The following PAN3 variants were observed in gnomAD, a reference collection of about 807,000 sequenced individuals.
PAN3 encodes PAN2-PAN3 deadenylation complex subunit PAN3.
A neutral mutation model predicts 96.2 loss-of-function variants in PAN3; 19 were observed. The ratio of observed to expected loss-of-function variants is 0.20; its 90% CI spans 0.14 to 0.29. PAN3 has a LOEUF of 0.29. Among genes scored for constraint, PAN3 ranks in the 10% least tolerant of loss-of-function variants. The pLI is 1.00. For synonymous variants in PAN3, 433 were observed against 406.6 expected (o/e 1.06, Z -0.78); for missense variants, 882 against 1,108.1 (o/e 0.80, Z 2.90).
chr13:28,259,407 A>G (rs1161662070), intron 7 of PAN3, among the ~76,000 whole-genome samples: 1 of 151,608 alleles, frequency 6.6e-6, no homozygotes, highest in African/African-American at 2.4e-5. Context: ...CCGGGTTCAA[A>G]TGATTCTCCT....
intron 17 of PAN3, among the ~76,000 whole-genome samples, chr13:28,283,127 C>T (rs117482354): frequency 0.049 from 7,467 of 152,168 alleles, 277 homozygotes; most frequent in South Asian, 0.15. Flanking sequence ...TGGCTCTCTG[C>T]AACCCTCGCC....
intron 6 of PAN3, among the ~76,000 whole-genome samples, chr13:28,237,851 C>A (rs1883250829): frequency 6.6e-6 from 1 of 152,074 alleles, no homozygotes; most frequent in African/African-American, 2.4e-5. Context: ...CACTACCTTC[C>A]TAATAAAAAA....
At chr13:28,207,664 T>C (rs1459047527) in intron 5 of PAN3, among the ~76,000 whole-genome samples, 2 of 152,246 alleles carry the variant, frequency 1.3e-5, no homozygotes, top group African/African-American at 4.8e-5. Context: ...TCTTATGGCC[T>C]AATTAAACAG....
chr13:28,150,232 A>C (rs1349093181), intron 1 of PAN3, among the ~76,000 whole-genome samples: 1 of 152,186 alleles, frequency 6.6e-6, no homozygotes, highest in Non-Finnish European at 1.5e-5. Context: ...ATGATGGGAC[A>C]GGGAATCTTC....
chr13:28,186,258 T>C (rs1392133822), intron 4 of PAN3, among the ~76,000 whole-genome samples: 1 of 152,216 alleles, frequency 6.6e-6, no homozygotes, highest in Non-Finnish European at 1.5e-5. Context: ...TGTAATGTGT[T>C]AAGGAGTATT....
chr13:28,289,722 AAT>A (rs1566265450), intron 18 of PAN3, among the ~76,000 whole-genome samples: 1 of 152,168 alleles, frequency 6.6e-6, no homozygotes, highest in Non-Finnish European at 1.5e-5. Flanking sequence ...CCTACTAAAA[AAT>A]TAAAAAAGTT....
At chr13:28,147,945 C>A (rs1253819073) in intron 1 of PAN3, among the ~76,000 whole-genome samples, 2 of 151,936 alleles carry the variant, frequency 1.3e-5, no homozygotes, top group Non-Finnish European at 2.9e-5. Flanking sequence ...TTTTCTAAAG[C>A]TAGTTTGATT....
chr13:28,266,837 A>G lies in PAN3; in HGVS notation c.1534A>G (p.Ser512Gly), dbSNP rs374787953. 6.2e-7 allele frequency: 1 copy of G among 1,608,464 alleles called. No individual in the cohort carries two copies. The highest frequency in any genetic ancestry group is 8.5e-7 in the Non-Finnish European group (1 of 1,177,828). Residue 512 changes from serine (S) to glycine (G), a missense_variant, in exon 10 of 19, where the codon AGC becomes GGC. By Grantham distance (56) the Ser-to-Gly change is moderately conservative. This residue lies in a region of PAN3 where 364 missense variants were observed against 513.6 expected (regional missense o/e 0.71). Transcript: ENST00000380958. ...YITSCYKAVN[S>G]KDDLPYCLRR... ...TACATCTTGCTACAAAGCTGTAAAC[A>G]GCAAAGATGATCTGCCATATTGCCT...
intron 5 of PAN3, among the ~76,000 whole-genome samples, chr13:28,206,497 T>C (rs2138292773): frequency 6.6e-6 from 1 of 151,924 alleles, no homozygotes; most frequent in South Asian, 2.1e-4. Context: ...TAATTTTGTA[T>C]ATTTAGTAGA....
intron 1 of PAN3, among the ~76,000 whole-genome samples, chr13:28,168,438 C>G (rs555729473): frequency 1.9e-3 from 291 of 152,238 alleles, no homozygotes; most frequent in Middle Eastern, 0.014. Flanking sequence ...GGAATTGCAG[C>G]CTGGGCACAG....
chr13:28,164,735 C>G (rs796200833), intron 1 of PAN3, among the ~76,000 whole-genome samples: 4 of 152,252 alleles, frequency 2.6e-5, no homozygotes, highest in African/African-American at 9.6e-5. Flanking sequence ...CATAGATGAC[C>G]TTTTGAGTAA....
At chr13:28,138,437 G>A (rs1249046118), upstream of PAN3, 2 of 310,804 alleles carry the variant, frequency 6.4e-6, no homozygotes, top group African/African-American at 2.2e-5. Context: ...GAGTGAGTGA[G>A]AGAATCCCAA....
In PAN3 at chr13:28,292,894, C is replaced by T. The variant is rs186261281; in HGVS notation, c.*372C>T. Reference sequence around the variant, plus strand: ...CTTATAATGGGAAACTTTGCAAGGACATTTTTGGGAAGCAATGCTGGGCAG... The same window carrying T: ...CTTATAATGGGAAACTTTGCAAGGATATTTTTGGGAAGCAATGCTGGGCAG... On this transcript the variant is annotated 3_prime_UTR_variant, in exon 19 of 19. Transcript: ENST00000380958. 1.9e-4 allele frequency: 30 copies of T among 155,448 alleles called. No individual in the cohort carries two copies. In the East Asian group the frequency reaches 5.6e-3, roughly 29 times the overall value. 9.6% of individuals were successfully genotyped at this position (155,448 alleles called of 1,614,324 possible). A position where few individuals can be genotyped will look rare whatever the true frequency, so the allele number is the denominator to read the frequency against.
chr13:28,155,506 A>G (rs1211966537), intron 1 of PAN3, among the ~76,000 whole-genome samples: 1 of 152,074 alleles, frequency 6.6e-6, no homozygotes, highest in Non-Finnish European at 1.5e-5. Context: ...GGAGATTTGC[A>G]TGACCCCGGG....
intron 6 of PAN3, among the ~76,000 whole-genome samples, chr13:28,236,432 C>G (rs943822037): frequency 1.3e-5 from 2 of 151,966 alleles, no homozygotes; most frequent in African/African-American, 4.8e-5. Context: ...TAACATATAC[C>G]CCTTTACATC....
intron 1 of PAN3, among the ~76,000 whole-genome samples, chr13:28,162,173 G>A (rs1872958759): frequency 6.6e-6 from 1 of 152,210 alleles, no homozygotes; most frequent in Non-Finnish European, 1.5e-5. Context: ...GGAAGAAACT[G>A]AGACTTAAGT....
intron 5 of PAN3, among the ~76,000 whole-genome samples, chr13:28,197,976 T>G (rs190386225): frequency 1.6e-3 from 241 of 152,114 alleles, no homozygotes; most frequent in African/African-American, 5.4e-3. Flanking sequence ...AGGACTACAT[T>G]GAAGAGTCAT....
intron 1 of PAN3, among the ~76,000 whole-genome samples, chr13:28,143,632 G>A (rs1247030437): frequency 1.3e-5 from 2 of 152,132 alleles, no homozygotes; most frequent in African/African-American, 2.4e-5. Flanking sequence ...AAATGGAGAT[G>A]TTATGAAAAT....
At chr13:28,190,630 G>A (rs761626006) in intron 4 of PAN3, among the ~76,000 whole-genome samples, 2 of 152,144 alleles carry the variant, frequency 1.3e-5, no homozygotes, top group Non-Finnish European at 2.9e-5. Context: ...AGAAATACCC[G>A]AGACTGGGTA....
Sources: allele counts gnomAD v4.1 joint callset (sites outside exome capture counted in the v4.1 genomes callset), GRCh38; gene constraint gnomAD v4.1.1; regional missense constraint gnomAD v4.1.1; transcripts MANE v1.5; gene names NCBI Gene and HGNC (gene_info 2026-07-23, HGNC 2026-07-21).